The following PROSER3 variants were observed in gnomAD, a reference collection of about 807,000 sequenced individuals.
The protein encoded by PROSER3 is proline and serine rich 3.
A neutral mutation model predicts 50.2 loss-of-function variants in PROSER3; 33 were observed. The ratio of observed to expected loss-of-function variants is 0.66; its 90% CI spans 0.50 to 0.88. The LOEUF is 0.88. PROSER3 is among the 40% of genes least tolerant of loss of function. The pLI, the probability that PROSER3 is intolerant of heterozygous loss-of-function variation, is 0.00. For missense variants in PROSER3, 623 were observed against 612.7 expected, an observed-to-expected ratio of 1.02 and a Z score of -0.18; for synonymous variants, 266 against 259.3, an observed-to-expected ratio of 1.03 and a Z score of -0.25.
At chr19:35,759,316 C>T in intron 1 of PROSER3, 58 bp from the exon 2 acceptor site, 2 of 1,394,818 alleles carry the variant, frequency 1.4e-6, no homozygotes, top group South Asian at 2.5e-5. Flanking sequence ...TCTAATGTCC[C>T]CCTCCCCAGG....
Position 35,768,196 on chromosome 19 carries a change from G to GCAGA in PROSER3, c.1261_1262insCAGA (p.Val421AlafsTer7). On this transcript the variant is annotated frameshift_variant, in exon 10 of 11. Transcript: ENST00000396908. LOFTEE classifies it low-confidence loss of function (END_TRUNC). ...GTTCCAGGACGATCCCGTGCTGCAGGTGCTAAGAGCCCATAGGGCAGAGCT... is the reference window on the plus strand; with the variant it reads ...GTTCCAGGACGATCCCGTGCTGCAGGCAGATGCTAAGAGCCCATAGGGCAGAGCT... 4 of 1,613,616 alleles carry GCAGA rather than the reference G, an allele frequency of 2.5e-6. No individual in the cohort carries two copies. Among genetic ancestry groups the GCAGA allele is most frequent in the Non-Finnish European group, 3.4e-6 (4 of 1,179,748 alleles).
At chr19:35,760,467 G>T (rs970448060) in intron 3 of PROSER3, among the ~76,000 whole-genome samples, 3 of 152,078 alleles carry the variant, frequency 2.0e-5, no homozygotes, top group Non-Finnish European at 4.4e-5. Flanking sequence ...CTCTAAATTG[G>T]GTGTTTTGTT....
rs750311429 is a variant in PROSER3, at chr19:35,760,036, G to A, written c.311+45G>A. On this transcript the variant is annotated intron_variant, in intron 3 of 10. Coordinates refer to ENST00000396908, the Ensembl canonical transcript of PROSER3. ...GGGGAAAAAGAGGCTTTGGGTTAGA[G>A]GGAGGGAGAAGGCATGCAGTAATAA... 5 of 1,471,114 alleles carry A rather than the reference G, an allele frequency of 3.4e-6. No homozygotes were observed. In the South Asian group the frequency reaches 6.8e-5, roughly 20 times the overall value. The allele number at this position is 1,471,114 out of a possible 1,614,324, so 91.1% of individuals were successfully genotyped here.
intron 3 of PROSER3, among the ~76,000 whole-genome samples, chr19:35,760,359 G>A (rs993373482): frequency 3.3e-5 from 5 of 151,962 alleles, no homozygotes; most frequent in Admixed American, 6.6e-5. Context: ...CTGGGATTAC[G>A]ATGCATGCCA....
At chr19:35,762,562 A>AAAAAG in intron 5 of PROSER3, 1 of 402,438 alleles carries the variant, frequency 2.5e-6, no homozygotes, top group African/African-American at 2.1e-5. Flanking sequence ...AAAAAAAAAA[A>AAAAAG]AGAGAGAGAG....
At chr19:35,763,459 G>T (rs1041770519) in intron 5 of PROSER3, among the ~76,000 whole-genome samples, 2 of 150,246 alleles carry the variant, frequency 1.3e-5, no homozygotes, top group Non-Finnish European at 2.9e-5. Context: ...GCCCACCTCA[G>T]CCTCCCAAAG....
At chr19:35,759,597 C>A in intron 2 of PROSER3, 127 bp downstream of exon 2, 1 of 1,039,982 alleles carries the variant, frequency 9.6e-7, no homozygotes, top group Non-Finnish European at 1.4e-6. Context: ...TGTCCCCTCC[C>A]CACGGCCCTG....
chr19:35,759,134 T>G (rs1223036798), intron 1 of PROSER3: 1 of 502,770 alleles, frequency 2.0e-6, no homozygotes, highest in Middle Eastern at 5.2e-4. Context: ...GATCCAGGGT[T>G]GAGAACCACC....
At chr19:35,768,346 C>A in intron 10 of PROSER3, 58 bp from the exon 11 acceptor site, 1 of 1,581,902 alleles carries the variant, frequency 6.3e-7, no homozygotes, top group Non-Finnish European at 8.6e-7. Flanking sequence ...CCGTCCACAG[C>A]CCCAGATTCT....
chr19:35,767,518 C>A, intron 8 of PROSER3: 1 of 473,372 alleles, frequency 2.1e-6, no homozygotes, highest in South Asian at 2.7e-5. Flanking sequence ...CTGACCCAAG[C>A]AGCTGTGCCC....
At chr19:35,759,667 T>A in intron 2 of PROSER3, 122 bp from the exon 3 acceptor site, 1 of 1,081,976 alleles carries the variant, frequency 9.2e-7, no homozygotes, top group Non-Finnish European at 1.3e-6. Flanking sequence ...CACTAGGTTG[T>A]TATCATTACA....
At chr19:35,758,539 T>A (rs995846682) in intron 1 of PROSER3, 2 of 356,296 alleles carry the variant, frequency 5.6e-6, no homozygotes, top group South Asian at 2.1e-4. Context: ...CTGGGCGTTG[T>A]CTTTGAACTT....
intron 3 of PROSER3, among the ~76,000 whole-genome samples, chr19:35,760,621 G>T (rs1325917917): frequency 2.0e-5 from 3 of 152,136 alleles, no homozygotes; most frequent in Non-Finnish European, 4.4e-5. Flanking sequence ...AAGTAGCTGG[G>T]ATTACAGGTG....
At chr19:35,766,407 G>A (rs1971142726) in intron 7 of PROSER3, among the ~76,000 whole-genome samples, 1 of 152,094 alleles carries the variant, frequency 6.6e-6, no homozygotes, top group East Asian at 1.9e-4. Context: ...TTACCCCCGT[G>A]TGGTGGCACA....
At chr19:35,769,306 CTTTT>C (rs35628507), downstream of PROSER3, 3 of 134,066 alleles carry the variant, frequency 2.2e-5, no homozygotes, top group Admixed American at 7.6e-5. Flanking sequence ...TCCCCAGCTT[CTTTT>C]TTTTTTTTTT....
At chr19:35,766,695 T>C (rs1157284448) in intron 7 of PROSER3, 73 bp from the exon 8 acceptor site, 1 of 1,068,840 alleles carries the variant, frequency 9.4e-7, no homozygotes, top group Non-Finnish European at 1.4e-6. Context: ...GGAGGGCGTG[T>C]GTGCAGGCTG....
intron 7 of PROSER3, among the ~76,000 whole-genome samples, chr19:35,766,444 G>T (rs1476740995): frequency 3.3e-5 from 5 of 152,100 alleles, no homozygotes; most frequent in Non-Finnish European, 7.4e-5. Flanking sequence ...TACTCAGGAG[G>T]TTAAGGCAGG....
In PROSER3 at chr19:35,765,149, AG is replaced by A. The variant is rs754241472; in HGVS notation, c.743del (p.Ser248ThrfsTer65). On this transcript the variant is annotated frameshift_variant, in exon 7 of 11. Coordinates refer to ENST00000396908, the Ensembl canonical transcript of PROSER3. LOFTEE classifies it high-confidence loss of function. ...CTCGGAGACCTTCATCCCTGACTCCAGCAAGGGCCTTGGCCCCAGGGCACCC... is the reference window on the plus strand; with the variant it reads ...CTCGGAGACCTTCATCCCTGACTCCACAAGGGCCTTGGCCCCAGGGCACCC... 5 of 1,613,788 alleles carry A rather than the reference AG, an allele frequency of 3.1e-6. No homozygotes were observed. The South Asian group carries it at 5.5e-5, about 18-fold the overall frequency.
chr19:35,768,196 G>A (rs928086445), exon 10 of PROSER3: 2 of 1,613,616 alleles, frequency 1.2e-6, no homozygotes, highest in Non-Finnish European at 1.7e-6. Flanking sequence ...CGTGCTGCAG[G>A]TGCTAAGAGC....
Sources: allele counts gnomAD v4.1 joint callset (sites outside exome capture counted in the v4.1 genomes callset), GRCh38; gene constraint gnomAD v4.1.1; transcripts MANE v1.5; gene names NCBI Gene and HGNC (gene_info 2026-07-23, HGNC 2026-07-21).